The following MECOM variants were observed in gnomAD, a reference collection of about 807,000 sequenced individuals.
MECOM encodes histone-lysine N-methyltransferase MECOM.
Under a neutral mutation model 116.3 loss-of-function variants are expected in MECOM, and 13 were observed. The ratio of observed to expected loss-of-function variants is 0.11; its 90% CI spans 0.07 to 0.18. The LOEUF (loss-of-function observed/expected upper bound fraction) is 0.18. Among genes scored for constraint, MECOM ranks in the 10% least tolerant of loss-of-function variants. The pLI is 1.00. For missense variants in MECOM, 1,299 were observed against 1,509.0 expected (o/e 0.86, Z 2.31); for synonymous variants, 528 against 535.2 (o/e 0.99, Z 0.19).
At chr3:169,636,055 G>A (rs894691300) in intron 1 of MECOM, among the ~76,000 whole-genome samples, 6 of 152,082 alleles carry the variant, frequency 3.9e-5, no homozygotes, top group South Asian at 4.1e-4. Context: ...CATATACCCC[G>A]GTGAAGTCAT....
chr3:169,555,122 C>A (rs1468615377), intron 1 of MECOM, among the ~76,000 whole-genome samples: 2 of 152,148 alleles, frequency 1.3e-5, no homozygotes, highest in African/African-American at 4.8e-5. Flanking sequence ...CTAAAATTTT[C>A]TTTTAGGGGC....
intron 1 of MECOM, among the ~76,000 whole-genome samples, chr3:169,589,123 C>A (rs1017897552): frequency 1.3e-5 from 2 of 152,016 alleles, no homozygotes; most frequent in African/African-American, 4.8e-5. Flanking sequence ...TCTGAAAATT[C>A]CCAATGCAAA....
chr3:169,432,412 C>T (rs1741796219), intron 1 of MECOM, among the ~76,000 whole-genome samples: 1 of 152,178 alleles, frequency 6.6e-6, no homozygotes, highest in Non-Finnish European at 1.5e-5. Context: ...CTGGCCTCAG[C>T]CTCTCAAAGT....
At chr3:169,323,174 C>T (rs1422929481) in intron 2 of MECOM, among the ~76,000 whole-genome samples, 2 of 152,132 alleles carry the variant, frequency 1.3e-5, no homozygotes, top group East Asian at 3.8e-4. Context: ...TGCTTCACAA[C>T]TGTTACTGAA....
chr3:169,408,950 C>T (rs564177103), intron 1 of MECOM, among the ~76,000 whole-genome samples: 45 of 152,210 alleles, frequency 3.0e-4, no homozygotes, highest in Middle Eastern at 3.4e-3. Context: ...GTGTTTCCAA[C>T]CCTGTGAGTG....
chr3:169,098,021 T>C (rs1722281601), intron 12 of MECOM, among the ~76,000 whole-genome samples: 1 of 151,948 alleles, frequency 6.6e-6, no homozygotes, highest in Non-Finnish European at 1.5e-5. Context: ...TTACATACCA[T>C]TTTACTTTTT....
At chr3:169,085,154 C>T in intron 16 of MECOM, 111 bp from the exon 17 acceptor site, 1 of 1,326,308 alleles carries the variant, frequency 7.5e-7, no homozygotes. Flanking sequence ...TAGGGGCATC[C>T]TTCATGGGTG....
intron 7 of MECOM, among the ~76,000 whole-genome samples, chr3:169,119,742 A>G (rs1398287143): frequency 6.6e-6 from 1 of 152,184 alleles, no homozygotes; most frequent in Admixed American, 6.5e-5. Context: ...TTAAGACTTA[A>G]GAGTCAGGAA....
At chr3:169,592,343 A>T (rs1319122551) in intron 1 of MECOM, among the ~76,000 whole-genome samples, 1 of 152,088 alleles carries the variant, frequency 6.6e-6, no homozygotes, top group Non-Finnish European at 1.5e-5. Flanking sequence ...TTCCTTTCTG[A>T]CTTTCACATT....
intron 2 of MECOM, among the ~76,000 whole-genome samples, chr3:169,285,554 G>C (rs1713107386): frequency 6.6e-6 from 1 of 152,166 alleles, no homozygotes; most frequent in South Asian, 2.1e-4. Context: ...GTATCTTGTA[G>C]AATTTCAGCT....
In MECOM at chr3:169,237,610, C is replaced by CAAA. The variant is rs775383808; in HGVS notation, c.376-93781_376-93779dup. ...TGTGCTAACTGCAATGTCTCCATCA[C>CAAA]AAAAAAAAAAAAAAAAAAAAAAAAA... On this transcript the variant is annotated intron_variant, in intron 2 of 16. Coordinates refer to ENST00000651503, the MANE Select transcript of MECOM (RefSeq NM_004991.4). Among the ~76,000 whole-genome samples the CAAA allele has an allele frequency of 1.6e-3, 125 of 80,482 alleles. 1 individual carries two copies. Among genetic ancestry groups the CAAA allele is most frequent in the Admixed American group, 1.9e-3 (13 of 6,972 alleles). 52.8% of individuals were successfully genotyped at this position (80,482 alleles called of 152,430 possible).
intron 1 of MECOM, among the ~76,000 whole-genome samples, chr3:169,401,665 G>A (rs1735929086): frequency 6.6e-6 from 1 of 152,246 alleles, no homozygotes; most frequent in South Asian, 2.1e-4. Context: ...AGAATAAGCT[G>A]AAGAAGAAAG....
chr3:169,629,166 G>A (rs951864809), intron 1 of MECOM, among the ~76,000 whole-genome samples: 2 of 150,580 alleles, frequency 1.3e-5, no homozygotes, highest in Admixed American at 6.6e-5. Flanking sequence ...ATTGGAGGAG[G>A]AGGAAAAGAA....
At chr3:169,467,856 T>C (rs1386987411) in intron 1 of MECOM, among the ~76,000 whole-genome samples, 3 of 152,244 alleles carry the variant, frequency 2.0e-5, no homozygotes, top group Middle Eastern at 3.4e-3. Flanking sequence ...GGAAAGAAAA[T>C]TGAGATGACC....
intron 1 of MECOM, among the ~76,000 whole-genome samples, chr3:169,615,604 A>T (rs1180109097): frequency 2.0e-5 from 3 of 152,228 alleles, no homozygotes; most frequent in Admixed American, 6.5e-5. Context: ...GACCTACTTC[A>T]TACCATTATA....
intron 2 of MECOM, among the ~76,000 whole-genome samples, chr3:169,309,671 C>T (rs1718370351): frequency 6.6e-6 from 1 of 152,180 alleles, no homozygotes; most frequent in Non-Finnish European, 1.5e-5. Context: ...TTATCTTAAG[C>T]TCATATAACC....
intron 2 of MECOM, among the ~76,000 whole-genome samples, chr3:169,255,768 G>A (rs557980146): frequency 1.9e-4 from 29 of 152,228 alleles, no homozygotes; most frequent in South Asian, 1.7e-3. Flanking sequence ...AAGACATCCA[G>A]CTGGAAAGGC....
At chr3:169,515,742 C>G (rs1010780672) in intron 1 of MECOM, among the ~76,000 whole-genome samples, 3 of 152,202 alleles carry the variant, frequency 2.0e-5, no homozygotes, top group Non-Finnish European at 2.9e-5. Flanking sequence ...TTAGAAGTCT[C>G]TCATTCCACC....
chr3:169,119,885 G>A (rs1310709655), intron 7 of MECOM, among the ~76,000 whole-genome samples: 1 of 152,082 alleles, frequency 6.6e-6, no homozygotes. Context: ...GGGAACAGAA[G>A]AGCATATGAG....
Sources: allele counts gnomAD v4.1 joint callset (sites outside exome capture counted in the v4.1 genomes callset), GRCh38; gene constraint gnomAD v4.1.1; transcripts MANE v1.5; gene names NCBI Gene and HGNC (gene_info 2026-07-23, HGNC 2026-07-21).